Variants in KLF6 observed in about 807,000 individuals in gnomAD.
KLF6 encodes the protein Krueppel-like factor 6.
For synonymous variants in KLF6, 152 were observed against 147.9 expected (o/e 1.03, Z -0.20); for missense variants, 233 against 359.8 (o/e 0.65, Z 2.85).
chr10:3,779,979 A>C (rs1202698234), intron 3 of KLF6, 127 bp downstream of exon 3: 13 of 1,254,740 alleles, frequency 1.0e-5, no homozygotes, highest in Non-Finnish European at 1.5e-5. Flanking sequence ...CCAGGCTTGA[A>C]AAGAAATGTT....
intron 1 of KLF6, among the ~76,000 whole-genome samples, chr10:3,784,389 A>G (rs1191546452): frequency 6.6e-6 from 1 of 152,186 alleles, no homozygotes; most frequent in Non-Finnish European, 1.5e-5. Context: ...CAGGGAAGAC[A>G]AATAAGGCAG....
In KLF6 at chr10:3,779,065, T is replaced by TC; in HGVS notation, c.*473dup. On this transcript the variant is annotated 3_prime_UTR_variant, in exon 4 of 4. Coordinates refer to ENST00000497571, the MANE Select transcript of KLF6 (RefSeq NM_001300.6). ...TGTTTTTTTGATTTTTCTTTTTTTT[T>TC]CTAAGGTGCAGACACCCCCTCCCCC... 3.8e-6 allele frequency: 2 copies of TC among 532,652 alleles called. No homozygotes were observed. 33.0% of individuals were successfully genotyped at this position (532,652 alleles called of 1,614,324 possible).
intron 1 of KLF6, chr10:3,783,164 T>G (rs542535537): frequency 6.6e-6 from 1 of 152,316 alleles, no homozygotes; most frequent in East Asian, 1.9e-4. Flanking sequence ...CCAGCTCAAA[T>G]GGACATGCAG....
Position 3,778,057 on chromosome 10 carries a change from T to C in KLF6, c.*1482A>G. The C allele has an allele frequency of 2.0e-6, 1 of 509,556 alleles. No homozygotes were observed. 31.6% of individuals were successfully genotyped at this position (509,556 alleles called of 1,614,324 possible). ...TGGCAGAATTGGTCAGATTTTTCCA[T>C]TTTCCTGTTTTCCATTTTAACACTG... On this transcript the variant is annotated 3_prime_UTR_variant, in exon 4 of 4. Transcript: ENST00000497571.
chr10:3,780,057 AT>A lies in KLF6; in HGVS notation c.800+48del. The A allele has an allele frequency of 6.2e-7, 1 of 1,612,520 alleles. No homozygotes were observed. The highest frequency in any genetic ancestry group is 8.5e-7 in the Non-Finnish European group (1 of 1,179,232). On this transcript the variant is annotated intron_variant, in intron 3 of 3. Transcript: ENST00000497571. This position sits in a 1 kb window ranked among gnomAD's most constrained non-coding sequence, Gnocchi z 4.6. ...ACACCTACTCAACCCTGGTCATCAC[AT>A]TCCCAAGGCCCCACGCTCCTTGCCC...
rs770989056 is a variant in KLF6 at position 3,782,548 on chromosome 10, G to A, written c.103-334C>T. Among the ~76,000 whole-genome samples the A allele has an allele frequency of 6.6e-6, 1 of 152,200 alleles. No homozygotes were observed. The highest frequency in any genetic ancestry group is 1.5e-5 in the Non-Finnish European group (1 of 68,036). ...GATGTTTCTCATGAAACCAGAGGAA[G>A]AGAACCGGCCCCATACACATACTCC... On this transcript the variant is annotated intron_variant, in intron 1 of 3. Transcript: ENST00000497571. The surrounding 1 kb of genome is among the most constrained non-coding windows in gnomAD (Gnocchi z 4.3).
At position 3,780,207 on chromosome 10, in the gene KLF6, T is replaced by C. The variant is rs138070899; in HGVS notation, c.699A>G (p.Ser233=). 3.1e-6 allele frequency: 5 copies of C among 1,614,128 alleles called. No homozygotes were observed. The highest frequency in any genetic ancestry group is 1.6e-4 in the Middle Eastern group (1 of 6,062). ...CAAAACGCCACTCACACCCTTCCCA[T>C]GAGCATCTGTAAGGCTTTTCTCCTG... is the stretch of plus-strand genomic sequence containing the variant. ...THTGEKPYRC[S]WEGCEWRFAR... The change falls in exon 3 of 4, where the codon TCA becomes TCG. Residue 233 remains serine (S), a synonymous_variant. Transcript: ENST00000497571. The surrounding 1 kb of genome is among the most constrained non-coding windows in gnomAD (Gnocchi z 4.6).
At position 3,780,595 on chromosome 10, in the gene KLF6, C is replaced by T. The variant is rs551613856; in HGVS notation, c.677-366G>A. 34 of 369,812 alleles carry T rather than the reference C, an allele frequency of 9.2e-5. 1 individual carries two copies. The highest frequency in any genetic ancestry group is 3.8e-4 in the African/African-American group (18 of 47,552). 22.9% of individuals were successfully genotyped at this position (369,812 alleles called of 1,614,324 possible). A position where few individuals can be genotyped will look rare whatever the true frequency, so the allele number is the denominator to read the frequency against. ...ATTGCTTTCTTCATGGCAACTGTTTCTCCCAAACACACTTCTGTTCCATCC... is the reference window on the plus strand; with the variant it reads ...ATTGCTTTCTTCATGGCAACTGTTTTTCCCAAACACACTTCTGTTCCATCC... On this transcript the variant is annotated intron_variant, in intron 2 of 3. Transcript: ENST00000497571. This position sits in a 1 kb window ranked among gnomAD's most constrained non-coding sequence, Gnocchi z 4.6.
At position 3,777,779 on chromosome 10, in the gene KLF6, T is replaced by A; in HGVS notation, c.*1760A>T. ...TATATAATATATATATATACACACATACACATACTGTACACACAAATATAC... is the reference window on the plus strand; with the variant it reads ...TATATAATATATATATATACACACAAACACATACTGTACACACAAATATAC... On this transcript the variant is annotated 3_prime_UTR_variant, in exon 4 of 4. Transcript: ENST00000497571. 2.2e-6 allele frequency: 1 copy of A among 447,906 alleles called. No individual in the cohort carries two copies. The highest frequency in any genetic ancestry group is 4.3e-6 in the Non-Finnish European group (1 of 232,228). 27.7% of individuals were successfully genotyped at this position (447,906 alleles called of 1,614,324 possible).
At position 3,779,274 on chromosome 10, in the gene KLF6, A is replaced by G. The variant is rs772764283; in HGVS notation, c.*265T>C. On this transcript the variant is annotated 3_prime_UTR_variant, in exon 4 of 4. Coordinates refer to ENST00000497571, the MANE Select transcript of KLF6 (RefSeq NM_001300.6). ...CCAACCATTAGCATTCTCAGTGTGC[A>G]TGCTCACGGCAAAGGCTTAGGCGCC... The G allele has an allele frequency of 1.6e-6, 1 of 632,298 alleles. No individual in the cohort carries two copies. Among genetic ancestry groups the G allele is most frequent in the East Asian group, 3.1e-5 (1 of 32,216 alleles). 39.2% of individuals were successfully genotyped at this position (632,298 alleles called of 1,614,324 possible).
Position 3,777,632 on chromosome 10 carries a change from G to A in KLF6, c.*1907C>T, listed in dbSNP as rs1157760755. The A allele has an allele frequency of 4.0e-6, 2 of 496,020 alleles. No homozygotes were observed. Among genetic ancestry groups the A allele is most frequent in the South Asian group, 3.1e-5 (2 of 64,436 alleles). The allele number at this position is 496,020 out of a possible 1,614,324, so 30.7% of individuals were successfully genotyped here. A position where few individuals can be genotyped will look rare whatever the true frequency, so the allele number is the denominator to read the frequency against. Reference sequence around the variant, plus strand: ...AAAGATAAAGCCTCTATAAAAGTTAGGTTATGGTTTTCATTTTTACCTCCT... The same window carrying A: ...AAAGATAAAGCCTCTATAAAAGTTAAGTTATGGTTTTCATTTTTACCTCCT... On this transcript the variant is annotated 3_prime_UTR_variant, in exon 4 of 4. Transcript: ENST00000497571.
In KLF6 at chr10:3,781,363, G is replaced by T. The variant is rs115506527; in HGVS notation, c.676+278C>A. On this transcript the variant is annotated intron_variant, in intron 2 of 3. Coordinates refer to ENST00000497571, the MANE Select transcript of KLF6 (RefSeq NM_001300.6). This position sits in a 1 kb window ranked among gnomAD's most constrained non-coding sequence, Gnocchi z 5.8. ...CGGATCCCCAGCACTACTAAGGGGT[G>T]GGGGGTGGAGGTTTGGGTGTCCGTG... is the stretch of plus-strand genomic sequence containing the variant. 108 of 1,405,954 alleles carry T rather than the reference G, an allele frequency of 7.7e-5. No individual in the cohort carries two copies. The Middle Eastern group carries it at 1.5e-3, about 20-fold the overall frequency. The allele number at this position is 1,405,954 out of a possible 1,614,324, so 87.1% of individuals were successfully genotyped here.
At position 3,782,659 on chromosome 10, in the gene KLF6, C is replaced by T. The variant is rs1228096715; in HGVS notation, c.103-445G>A. Among the ~76,000 whole-genome samples, 1 of 152,224 alleles carries T rather than the reference C, an allele frequency of 6.6e-6. No homozygotes were observed. Among genetic ancestry groups the T allele is most frequent in the African/African-American group, 2.4e-5 (1 of 41,466 alleles). On this transcript the variant is annotated intron_variant, in intron 1 of 3. Coordinates refer to ENST00000497571, the MANE Select transcript of KLF6 (RefSeq NM_001300.6). This position sits in a 1 kb window ranked among gnomAD's most constrained non-coding sequence, Gnocchi z 4.3. ...CCCCAGCCATCCACCCTTCACACTC[C>T]ACAGATACCCACACAGGACAGAAAG...
rs1832435496 is a variant in KLF6, at chr10:3,778,118, A to G, written c.*1421T>C. 1.9e-6 allele frequency: 1 copy of G among 517,530 alleles called. No homozygotes were observed. Among genetic ancestry groups the G allele is most frequent in the African/African-American group, 1.9e-5 (1 of 52,994 alleles). The allele number at this position is 517,530 out of a possible 1,614,324, so 32.1% of individuals were successfully genotyped here. A position where few individuals can be genotyped will look rare whatever the true frequency, so the allele number is the denominator to read the frequency against. On this transcript the variant is annotated 3_prime_UTR_variant, in exon 4 of 4. Coordinates refer to ENST00000497571, the MANE Select transcript of KLF6 (RefSeq NM_001300.6). ...TGCCTAAAGTGTTGAACAAATACTGACATGTAAAGGGAGTTTCACTCTATG... is the reference window on the plus strand; with the variant it reads ...TGCCTAAAGTGTTGAACAAATACTGGCATGTAAAGGGAGTTTCACTCTATG...
rs1832445663 is a variant in KLF6, at chr10:3,778,472, A to C, written c.*1067T>G. Reference sequence around the variant, plus strand: ...ATGAAACATTAGACCAGCAATTCCCAGCCCCAGCTTTGTGACACTCAATAC... The same window carrying C: ...ATGAAACATTAGACCAGCAATTCCCCGCCCCAGCTTTGTGACACTCAATAC... On this transcript the variant is annotated 3_prime_UTR_variant, in exon 4 of 4. Coordinates refer to ENST00000497571, the MANE Select transcript of KLF6 (RefSeq NM_001300.6). 2 of 525,600 alleles carry C rather than the reference A, an allele frequency of 3.8e-6. No homozygotes were observed. The highest frequency in any genetic ancestry group is 3.7e-6 in the Non-Finnish European group (1 of 270,916). The allele number at this position is 525,600 out of a possible 1,614,324, so 32.6% of individuals were successfully genotyped here.
chr10:3,780,294 TCAA>T lies in KLF6; in HGVS notation c.677-68_677-66del. 1.9e-6 allele frequency: 3 copies of T among 1,597,206 alleles called. No homozygotes were observed. Among genetic ancestry groups the T allele is most frequent in the Non-Finnish European group, 2.6e-6 (3 of 1,172,296 alleles). ...TGACCCGCAGACGGAAAGGGGAAAT[TCAA>T]CAACACACACAGTGGTGGGATGCAA... On this transcript the variant is annotated intron_variant, in intron 2 of 3. Transcript: ENST00000497571. The surrounding 1 kb of genome is among the most constrained non-coding windows in gnomAD (Gnocchi z 4.6).
In KLF6 at chr10:3,776,338, G is replaced by GT. The variant is rs1315178593; in HGVS notation, c.*3200dup. ...TGTTTTTGTCAGTCCTTGGAGAAGA[G>GT]TATTTGATGCATTCAGGGAGGGCAA... On this transcript the variant is annotated 3_prime_UTR_variant, in exon 4 of 4. Transcript: ENST00000497571. 1.7e-5 allele frequency: 9 copies of GT among 532,580 alleles called. No individual in the cohort carries two copies. The highest frequency in any genetic ancestry group is 3.3e-5 in the Non-Finnish European group (9 of 275,388). The allele number at this position is 532,580 out of a possible 1,614,324, so 33.0% of individuals were successfully genotyped here. A position where few individuals can be genotyped will look rare whatever the true frequency, so the allele number is the denominator to read the frequency against.
At position 3,777,068 on chromosome 10, in the gene KLF6, C is replaced by T. The variant is rs1473950945; in HGVS notation, c.*2471G>A. ...ATTCTGAACTGCCAAAAGAAAACTGCACTTCCCCTCTTAAGTAAAACGAAA... is the reference window on the plus strand; with the variant it reads ...ATTCTGAACTGCCAAAAGAAAACTGTACTTCCCCTCTTAAGTAAAACGAAA... On this transcript the variant is annotated 3_prime_UTR_variant, in exon 4 of 4. Transcript: ENST00000497571. 2 of 516,046 alleles carry T rather than the reference C, an allele frequency of 3.9e-6. No homozygotes were observed. The highest frequency in any genetic ancestry group is 4.2e-5 in the East Asian group (1 of 23,684). 32.0% of individuals were successfully genotyped at this position (516,046 alleles called of 1,614,324 possible). A position where few individuals can be genotyped will look rare whatever the true frequency, so the allele number is the denominator to read the frequency against.
Position 3,777,591 on chromosome 10 carries a change from C to T in KLF6, c.*1948G>A, listed in dbSNP as rs889834081. 5 of 510,454 alleles carry T rather than the reference C, an allele frequency of 9.8e-6. No homozygotes were observed. Among genetic ancestry groups the T allele is most frequent in the African/African-American group, 5.7e-5 (3 of 52,406 alleles). 31.6% of individuals were successfully genotyped at this position (510,454 alleles called of 1,614,324 possible). ...AACAGATTCAAGCAAGAAAGTCCTCCGCACATCGTTAAATTAAAGATAAAG... is the reference window on the plus strand; with the variant it reads ...AACAGATTCAAGCAAGAAAGTCCTCTGCACATCGTTAAATTAAAGATAAAG... On this transcript the variant is annotated 3_prime_UTR_variant, in exon 4 of 4. Transcript: ENST00000497571.
Sources: allele counts gnomAD v4.1 joint callset (sites outside exome capture counted in the v4.1 genomes callset), GRCh38; gene constraint gnomAD v4.1.1; non-coding constraint Gnocchi (gnomAD v3.1); transcripts MANE v1.5; gene names NCBI Gene and HGNC (gene_info 2026-07-23, HGNC 2026-07-21).